PLD3: variants seen among roughly 807,000 people sequenced by gnomAD.
PLD3 encodes the protein phospholipase D family member 3.
A neutral mutation model predicts 58.4 loss-of-function variants in PLD3; 31 were observed. That is an observed-to-expected ratio of 0.53 (90% CI 0.40 to 0.72). The LOEUF (loss-of-function observed/expected upper bound fraction) is 0.72, where lower values mean the gene tolerates loss of function less well. PLD3 is among the 30% of genes least tolerant of loss of function. PLD3 has a pLI of 0.00. For synonymous variants in PLD3, 264 were observed against 273.4 expected (o/e 0.97, Z 0.34); for missense variants, 595 against 659.8 (o/e 0.90, Z 1.08).
At chr19:40,360,718 A>G (rs2078761192) in intron 1 of PLD3, 1 of 151,790 alleles carries the variant, frequency 6.6e-6, no homozygotes, top group African/African-American at 2.4e-5. Flanking sequence ...CCCAGCTTCT[A>G]GTGGCTCCAG....
intron 1 of PLD3, among the ~76,000 whole-genome samples, chr19:40,354,174 A>G (rs923612042): frequency 6.7e-6 from 1 of 149,860 alleles, no homozygotes; most frequent in East Asian, 2.0e-4. Context: ...TCTGGGGTCA[A>G]GCGATTCCCC....
At chr19:40,352,002 T>A (rs2145656574) in intron 1 of PLD3, among the ~76,000 whole-genome samples, 1 of 152,304 alleles carries the variant, frequency 6.6e-6, no homozygotes, top group East Asian at 1.9e-4. Context: ...CCGGGCGTGG[T>A]GGTTCACGCC....
Position 40,366,479 on chromosome 19 carries a change from G to A in PLD3, c.-5G>A. The A allele has an allele frequency of 6.2e-7, 1 of 1,613,888 alleles. No homozygotes were observed. Among genetic ancestry groups the A allele is most frequent in the South Asian group, 1.1e-5 (1 of 91,076 alleles). ...GCTCTGCGTATCCCCCAGCCTTGAG[G>A]GAAGATGAAGCCTAAACTGATGTAC... is the stretch of plus-strand genomic sequence containing the variant. On this transcript the variant is annotated 5_prime_UTR_variant, in exon 3 of 13. Transcript: ENST00000409735.
intron 9 of PLD3, among the ~76,000 whole-genome samples, chr19:40,373,601 G>A (rs919253614): frequency 1.3e-5 from 2 of 150,850 alleles, no homozygotes; most frequent in East Asian, 2.0e-4. Flanking sequence ...GGGGGGAAGC[G>A]GGGGAGCGGG....
chr19:40,368,322 T>G (rs1001933192), intron 6 of PLD3, among the ~76,000 whole-genome samples: 3 of 152,192 alleles, frequency 2.0e-5, no homozygotes, highest in Non-Finnish European at 4.4e-5. Flanking sequence ...TTCTTAGGGC[T>G]CTTGTGAGGA....
At chr19:40,369,723 T>G (rs965010903) in intron 6 of PLD3, 185 bp from the exon 7 acceptor site, 15 of 563,962 alleles carry the variant, frequency 2.7e-5, no homozygotes, top group Middle Eastern at 4.9e-4. Flanking sequence ...TTAAAGCAGA[T>G]AAAGATGTTT....
At chr19:40,371,898 G>A in intron 9 of PLD3, 25 bp downstream of exon 9, 1 of 1,585,918 alleles carries the variant, frequency 6.3e-7, no homozygotes, top group South Asian at 1.1e-5. Flanking sequence ...AGTGGGGCCT[G>A]TCATGTCCCA....
intron 5 of PLD3, 170 bp from the exon 6 acceptor site, chr19:40,367,526 A>T: frequency 1.8e-6 from 1 of 566,122 alleles, no homozygotes. Flanking sequence ...GGCTGCAGTG[A>T]GCTGAGATGG....
chr19:40,373,437 AG>A (rs994034752), intron 9 of PLD3, among the ~76,000 whole-genome samples: 4 of 151,890 alleles, frequency 2.6e-5, no homozygotes, highest in African/African-American at 9.7e-5. Flanking sequence ...ATTAGCCTGG[AG>A]GGGTGGCGGG....
Position 40,378,289 on chromosome 19 carries a change from G to A in PLD3, c.*116G>A. The A allele has an allele frequency of 1.0e-6, 1 of 980,352 alleles. No individual in the cohort carries two copies. The highest frequency in any genetic ancestry group is 1.6e-6 in the Non-Finnish European group (1 of 620,990). The allele number at this position is 980,352 out of a possible 1,614,324, so 60.7% of individuals were successfully genotyped here. On this transcript the variant is annotated 3_prime_UTR_variant, in exon 13 of 13. Coordinates refer to ENST00000409735, the MANE Select transcript of PLD3 (RefSeq NM_012268.4). ...TGTCTGCCCCATTGTGGCTCCTCAG[G>A]CTCTCTCCCCTGCTCTCCCACCTCT...
chr19:40,366,111 C>G lies in PLD3; in HGVS notation c.-66+181C>G, dbSNP rs1022530009. ...AGACCTGGGGCTCCGCTGACCTCAT[C>G]CAGCGCTGCCTTTCTTGGGGTGTCT... is the stretch of plus-strand genomic sequence containing the variant. On this transcript the variant is annotated intron_variant, in intron 2 of 12. Coordinates refer to ENST00000409735, the MANE Select transcript of PLD3 (RefSeq NM_012268.4). 2.3e-5 allele frequency: 8 copies of G among 346,130 alleles called. No individual in the cohort carries two copies. The Admixed American group carries it at 3.7e-4, about 16-fold the overall frequency. The allele number at this position is 346,130 out of a possible 1,614,324, so 21.4% of individuals were successfully genotyped here.
At chr19:40,373,650 G>A (rs577113418) in intron 9 of PLD3, among the ~76,000 whole-genome samples, 67 of 151,544 alleles carry the variant, frequency 4.4e-4, no homozygotes, top group African/African-American at 2.2e-4. Flanking sequence ...CTGGGCACCC[G>A]AGGGGTTCCC....
intron 1 of PLD3, among the ~76,000 whole-genome samples, chr19:40,364,131 G>A (rs1440066785): frequency 1.3e-5 from 2 of 152,010 alleles, no homozygotes; most frequent in Admixed American, 1.3e-4. Flanking sequence ...CAAGGCAGGC[G>A]GATCACGAGG....
chr19:40,374,454 A>G, intron 9 of PLD3, 27 bp from the exon 10 acceptor site: 1 of 1,612,610 alleles, frequency 6.2e-7, no homozygotes, highest in Non-Finnish European at 8.5e-7. Context: ...GGCAGGGCAC[A>G]TGTCTTAACT....
intron 11 of PLD3, among the ~76,000 whole-genome samples, chr19:40,377,105 A>AG (rs2079230469): frequency 2.7e-5 from 1 of 37,528 alleles, no homozygotes; most frequent in Admixed American, 3.6e-4. Flanking sequence ...CACAGGCAGA[A>AG]GGGTCGGGGC....
rs2079033845 is a variant in PLD3 at position 40,370,221 on chromosome 19, G to C, written c.662G>C (p.Trp221Ser). ...HFYLGSANMD[W>S]RSLTQVKELG... ...TACCTGGGCAGTGCCAACATGGACTGGCGTTCACTGACCCAGGTCTGTCTG... is the reference window on the plus strand; with the variant it reads ...TACCTGGGCAGTGCCAACATGGACTCGCGTTCACTGACCCAGGTCTGTCTG... Residue 221 changes from tryptophan (W) to serine (S), a missense_variant, in exon 8 of 13, where the codon TGG becomes TCG. Coordinates refer to ENST00000409735, the MANE Select transcript of PLD3 (RefSeq NM_012268.4). 6.2e-7 allele frequency: 1 copy of C among 1,613,660 alleles called. No homozygotes were observed.
At position 40,374,685 on chromosome 19, in the gene PLD3, G is replaced by A. The variant is rs950915094; in HGVS notation, c.1019+65G>A. The A allele has an allele frequency of 2.5e-6, 4 of 1,587,326 alleles. No individual in the cohort carries two copies. In the African/African-American group the frequency reaches 5.4e-5, roughly 21 times the overall value. Reference sequence around the variant, plus strand: ...CCAGGAGACGGGAGAGGGAATCATGGAGACCAGAAAGCTGGTGGGGGCTCC... The same window carrying A: ...CCAGGAGACGGGAGAGGGAATCATGAAGACCAGAAAGCTGGTGGGGGCTCC... On this transcript the variant is annotated intron_variant, in intron 10 of 12. Coordinates refer to ENST00000409735, the MANE Select transcript of PLD3 (RefSeq NM_012268.4).
intron 1 of PLD3, among the ~76,000 whole-genome samples, chr19:40,361,764 C>G (rs928123069): frequency 3.0e-4 from 45 of 152,106 alleles, no homozygotes; most frequent in African/African-American, 1.0e-3. Context: ...ATTCCACCCC[C>G]ACCCCCTTCC....
At position 40,366,994 on chromosome 19, in the gene PLD3, G is replaced by GT. The variant is rs2078941280; in HGVS notation, c.245+79_245+80insT. On this transcript the variant is annotated intron_variant, in intron 5 of 12. Transcript: ENST00000409735. ...CTTAAGCACACACTAAACAGGGCCT[G>GT]CACTCAGCCCTACCCAGCGCTTGCG... is the stretch of plus-strand genomic sequence containing the variant. The GT allele has an allele frequency of 6.8e-6, 10 of 1,465,734 alleles. No individual in the cohort carries two copies. In the South Asian group the frequency reaches 1.3e-4, roughly 20 times the overall value. 90.8% of individuals were successfully genotyped at this position (1,465,734 alleles called of 1,614,324 possible).
Sources: allele counts gnomAD v4.1 joint callset (sites outside exome capture counted in the v4.1 genomes callset), GRCh38; gene constraint gnomAD v4.1.1; transcripts MANE v1.5; gene names NCBI Gene and HGNC (gene_info 2026-07-23, HGNC 2026-07-21).